Variants in PHLDA1 observed in about 807,000 individuals in gnomAD.
PHLDA1 encodes the protein pleckstrin homology-like domain family A member 1.
Under a neutral mutation model 33.8 loss-of-function variants are expected in PHLDA1, and 28 were observed. That is an observed-to-expected ratio of 0.83 (90% CI 0.61 to 1.14). The LOEUF is 1.14. Ranked by LOEUF, PHLDA1 falls within the 50% of genes most tolerant of loss-of-function variation. The pLI is 0.00. For synonymous variants in PHLDA1, 271 were observed against 243.6 expected (o/e 1.11, Z -1.05); for missense variants, 595 against 548.6 (o/e 1.08, Z -0.84).
At position 76,031,191 on chromosome 12, in the gene PHLDA1, G is replaced by A. The variant is rs1041794857; in HGVS notation, c.551C>T (p.Pro184Leu). The change falls in exon 1 of 2, where the codon CCC (proline) becomes CTC (leucine). Residue 184 changes from proline to leucine, a missense_variant. Coordinates refer to ENST00000266671, the Ensembl canonical transcript of PHLDA1. This position sits in a 1 kb window ranked among gnomAD's most constrained non-coding sequence, Gnocchi z 5.4. ...CTGCTGCTGGTGTTGCAGCTGCTTG[G>A]GCGGGATAAGCAGCAGCCCTTCCTC... is the stretch of plus-strand genomic sequence containing the variant. 1 of 1,613,114 alleles carries A rather than the reference G, an allele frequency of 6.2e-7. No individual in the cohort carries two copies. Among genetic ancestry groups the A allele is most frequent in the Non-Finnish European group, 8.5e-7 (1 of 1,179,822 alleles).
chr12:76,029,164 A>C (rs1312162792), exon 2 of PHLDA1: 1 of 152,250 alleles, frequency 6.6e-6, no homozygotes, highest in African/African-American at 2.4e-5. Flanking sequence ...TCTCGAAGAA[A>C]GGTCCTGCAG....
exon 2 of PHLDA1, chr12:76,026,457 T>G (rs540759398): frequency 6.6e-6 from 1 of 152,322 alleles, no homozygotes; most frequent in South Asian, 2.1e-4. Context: ...TAGGGCTTTC[T>G]CTTAAAGGGC....
chr12:76,031,152 T>A lies in PHLDA1; in HGVS notation c.590A>T (p.Gln197Leu). ...GGGCTGTTGTTGCTGCTGCTGCTGC[T>A]GCTGTTGCTGCTGCTGCTGCTGGTG... Residue 197 changes from glutamine (Q) to leucine (L), a missense_variant, in exon 1 of 2, where the codon CAG becomes CTG. Around this residue, in one of 3 missense-constraint regions of PHLDA1, gnomAD observed 328 missense variants for 295.7 expected, o/e 1.11. Coordinates refer to ENST00000266671, the Ensembl canonical transcript of PHLDA1. The surrounding 1 kb of genome is among the most constrained non-coding windows in gnomAD (Gnocchi z 5.4). The A allele has an allele frequency of 6.9e-7, 1 of 1,459,796 alleles. No homozygotes were observed. The highest frequency in any genetic ancestry group is 9.0e-7 in the Non-Finnish European group (1 of 1,111,976). 90.4% of individuals were successfully genotyped at this position (1,459,796 alleles called of 1,614,324 possible). A position where few individuals can be genotyped will look rare whatever the true frequency, so the allele number is the denominator to read the frequency against.
exon 2 of PHLDA1, chr12:76,028,787 G>A (rs536019686): frequency 1.3e-5 from 2 of 152,594 alleles, no homozygotes; most frequent in Non-Finnish European, 2.9e-5. Context: ...ACAGAAGAAG[G>A]TTTGTTCTAC....
exon 1 of PHLDA1, chr12:76,030,817 A>G: frequency 6.4e-7 from 1 of 1,554,550 alleles, no homozygotes; most frequent in Non-Finnish European, 8.7e-7. Flanking sequence ...TGCGGCTGCG[A>G]GGGGGGCTGC....
chr12:76,029,134 T>A (rs1870835280), exon 2 of PHLDA1: 1 of 152,214 alleles, frequency 6.6e-6, no homozygotes, highest in African/African-American at 2.4e-5. Context: ...AAAATGTGGT[T>A]CAAGTCAAGT....
chr12:76,030,674 T>A (rs1327220565), exon 1 of PHLDA1: 1 of 1,203,720 alleles, frequency 8.3e-7, no homozygotes, highest in Admixed American at 1.9e-5. Context: ...AGTGTGGATG[T>A]GGATGTGGAT....
At chr12:76,030,597 G>A in exon 1 of PHLDA1, 3 of 1,610,396 alleles carry the variant, frequency 1.9e-6, no homozygotes, top group Non-Finnish European at 2.5e-6. Flanking sequence ...GTGCGGCTGT[G>A]GGTGTGGGTG....
chr12:76,029,806 T>A (rs1469111208), exon 2 of PHLDA1: 1 of 152,534 alleles, frequency 6.6e-6, no homozygotes, highest in Non-Finnish European at 1.5e-5. Context: ...TAATAAATAA[T>A]CATAAATCAA....
In PHLDA1 at chr12:76,031,669, G is replaced by T; in HGVS notation, c.73C>A (p.Pro25Thr). 2 of 1,492,798 alleles carry T rather than the reference G, an allele frequency of 1.3e-6. No individual in the cohort carries two copies. The highest frequency in any genetic ancestry group is 2.6e-5 in the South Asian group (2 of 76,594). The allele number at this position is 1,492,798 out of a possible 1,614,324, so 92.5% of individuals were successfully genotyped here. The change falls in exon 1 of 2, where the codon CCT becomes ACT. Residue 25 changes from proline (P) to threonine (T), a missense_variant. Around this residue, in one of 3 missense-constraint regions of PHLDA1, gnomAD observed 263 missense variants for 232.3 expected, o/e 1.13. Coordinates refer to ENST00000266671, the Ensembl canonical transcript of PHLDA1. This position sits in a 1 kb window ranked among gnomAD's most constrained non-coding sequence, Gnocchi z 5.4. Reference sequence around the variant, plus strand: ...CCCCGAGTGACACCCAGCGGAAAAGGCGGCTCCTGGCGCCCGCACCGCGGG... The same window carrying T: ...CCCCGAGTGACACCCAGCGGAAAAGTCGGCTCCTGGCGCCCGCACCGCGGG...
chr12:76,030,679 G>A (rs770956175), exon 1 of PHLDA1: 2 of 1,201,220 alleles, frequency 1.7e-6, no homozygotes, highest in African/African-American at 1.5e-5. Context: ...GGATGTGGAT[G>A]TGGATGCGGA....
At chr12:76,030,870 G>T (rs746633081) in exon 1 of PHLDA1, 1 of 1,609,882 alleles carries the variant, frequency 6.2e-7, no homozygotes, top group Non-Finnish European at 8.5e-7. Flanking sequence ...GGATTTGACC[G>T]CCAGGATGGC....
exon 2 of PHLDA1, chr12:76,026,946 G>GTCCT (rs983369907): frequency 3.9e-5 from 6 of 152,206 alleles, no homozygotes; most frequent in African/African-American, 1.4e-4. Context: ...TACACATTTT[G>GTCCT]TCCTTCCTTC....
exon 2 of PHLDA1, chr12:76,029,685 T>C (rs1283027212): frequency 6.6e-6 from 1 of 152,666 alleles, no homozygotes; most frequent in Non-Finnish European, 1.5e-5. Context: ...CGCCCTTTTT[T>C]ATTCTCCAAG....
exon 2 of PHLDA1, chr12:76,026,005 G>A (rs1039683357): frequency 4.6e-5 from 7 of 152,122 alleles, no homozygotes; most frequent in African/African-American, 1.7e-4. Context: ...AAGTCAATAA[G>A]CCACCCTTGA....
At position 76,031,267 on chromosome 12, in the gene PHLDA1, G is replaced by T; in HGVS notation, c.475C>A (p.Arg159Ser). 6.2e-7 allele frequency: 1 copy of T among 1,613,838 alleles called. No individual in the cohort carries two copies. Among genetic ancestry groups the T allele is most frequent in the Non-Finnish European group, 8.5e-7 (1 of 1,179,906 alleles). ...CAGAGCTGCAACAACCCGTCGCTGC[G>T]CTTCTCCAGCACGCCCTCCTTCAGC... The change falls in exon 1 of 2, where the codon CGC becomes AGC. Residue 159 changes from arginine (R) to serine (S), a missense_variant. This residue lies in a region of PHLDA1 where 263 missense variants were observed against 232.3 expected (regional missense o/e 1.13). Coordinates refer to ENST00000266671, the Ensembl canonical transcript of PHLDA1. The surrounding 1 kb of genome is among the most constrained non-coding windows in gnomAD (Gnocchi z 5.4).
exon 2 of PHLDA1, chr12:76,029,068 G>A (rs1272566640): frequency 1.3e-5 from 2 of 152,180 alleles, no homozygotes; most frequent in East Asian, 1.9e-4. Flanking sequence ...TTTACAAATT[G>A]TACTTTAAAC....
At chr12:76,030,121 G>T (rs1426245235) in intron 1 of PHLDA1, 29 bp from the exon 2 acceptor site, 2 of 215,562 alleles carry the variant, frequency 9.3e-6, no homozygotes, top group African/African-American at 2.3e-5. Context: ...GAGTGAAGTA[G>T]GTGGCTAAGA....
exon 2 of PHLDA1, chr12:76,025,655 T>A (rs1437728607): frequency 6.6e-6 from 1 of 152,192 alleles, no homozygotes; most frequent in Non-Finnish European, 1.5e-5. Flanking sequence ...TATAAAACGT[T>A]AAGAAGAAGG....
Sources: allele counts gnomAD v4.1 joint callset, GRCh38; gene constraint gnomAD v4.1.1; regional missense constraint gnomAD v4.1.1; non-coding constraint Gnocchi (gnomAD v3.1); transcripts MANE v1.5; gene names NCBI Gene and HGNC (gene_info 2026-07-23, HGNC 2026-07-21).